CEP85L: variants seen among roughly 807,000 people sequenced by gnomAD.
The protein encoded by CEP85L is centrosomal protein 85L, also known as centrosomal protein of 85 kDa-like.
A neutral mutation model predicts 100.3 loss-of-function variants in CEP85L; 60 were observed. The ratio of observed to expected loss-of-function variants is 0.60; its 90% CI spans 0.49 to 0.74. The LOEUF (loss-of-function observed/expected upper bound fraction) is 0.74. Among genes scored for constraint, CEP85L ranks in the 30% least tolerant of loss-of-function variants. CEP85L has a pLI of 0.00. For synonymous variants in CEP85L, 319 were observed against 322.7 expected, an observed-to-expected ratio of 0.99 and a Z score of 0.12; for missense variants, 973 against 936.2, an observed-to-expected ratio of 1.04 and a Z score of -0.51.
chr6:118,627,501 T>C (rs1208606610), intron 2 of CEP85L, among the ~76,000 whole-genome samples: 1 of 152,174 alleles, frequency 6.6e-6, no homozygotes, highest in Non-Finnish European at 1.5e-5. Context: ...ACATGGCAAA[T>C]GCATAGAATA....
chr6:118,540,298 A>G (rs1209452227), intron 3 of CEP85L, among the ~76,000 whole-genome samples: 2 of 152,296 alleles, frequency 1.3e-5, no homozygotes, highest in East Asian at 3.9e-4. Context: ...GATACTCAGC[A>G]CAGCACCTGA....
At chr6:118,700,858 T>C (rs969750662) in intron 1 of CEP85L, among the ~76,000 whole-genome samples, 2 of 152,222 alleles carry the variant, frequency 1.3e-5, no homozygotes, top group Non-Finnish European at 2.9e-5. Flanking sequence ...ATGTTTATTA[T>C]GTAACATAGT....
In CEP85L at chr6:118,548,340, G is replaced by A. The variant is rs9489434; in HGVS notation, c.1020+17189C>T. 2,307 of 152,100 alleles carry A rather than the reference G, an allele frequency of 0.015. 64 individuals carry two copies. The highest frequency in any genetic ancestry group is 0.052 in the African/African-American group (2,172 of 41,500). The allele number at this position is 152,100 out of a possible 1,614,324, so 9.4% of individuals were successfully genotyped here. A position where few individuals can be genotyped will look rare whatever the true frequency, so the allele number is the denominator to read the frequency against. On this transcript the variant is annotated intron_variant, in intron 3 of 12. Coordinates refer to ENST00000368491, the MANE Select transcript of CEP85L (RefSeq NM_001042475.3). ...CAGAAAACTCCCCAGCTAAACACCC[G>A]TAAGACTTCATACAACACAATACTC... is the stretch of plus-strand genomic sequence containing the variant.
chr6:118,613,923 G>A (rs1387964500), intron 2 of CEP85L, among the ~76,000 whole-genome samples: 2 of 151,896 alleles, frequency 1.3e-5, no homozygotes, highest in Non-Finnish European at 2.9e-5. Flanking sequence ...TATCCAGAGA[G>A]TACCTGAGAA....
chr6:118,515,800 G>C (rs188098908), intron 4 of CEP85L, among the ~76,000 whole-genome samples: 237 of 152,228 alleles, frequency 1.6e-3, no homozygotes, highest in African/African-American at 5.4e-3. Context: ...TACATGTGCA[G>C]AACGTGCAGG....
chr6:118,600,328 T>TGTGGGGGGGGGGGGGGTG (rs2115171572), intron 2 of CEP85L, among the ~76,000 whole-genome samples: 1 of 115,776 alleles, frequency 8.6e-6, no homozygotes, highest in Admixed American at 8.5e-5. Context: ...TGTGTGTGTG[T>TGTGGGGGGGGGGGGGGTG]GTGTGTGTGT....
chr6:118,556,610 C>G (rs913138123), intron 3 of CEP85L, among the ~76,000 whole-genome samples: 2 of 152,070 alleles, frequency 1.3e-5, no homozygotes, highest in African/African-American at 4.8e-5. Flanking sequence ...CAGGAATGGG[C>G]TAACAGGTTG....
rs559941763 is a variant in CEP85L, at chr6:118,519,803, A to G, written c.1139+3999T>C. Among the ~76,000 whole-genome samples, 3 of 152,176 alleles carry G rather than the reference A, an allele frequency of 2.0e-5. No individual in the cohort carries two copies. The South Asian group carries it at 6.2e-4, about 32-fold the overall frequency. ...TAGTTGTACACAAGGTACCCCAAAA[A>G]CCAGTGAATAATTCCCAACTCTATG... On this transcript the variant is annotated intron_variant, in intron 4 of 12. Coordinates refer to ENST00000368491, the MANE Select transcript of CEP85L (RefSeq NM_001042475.3).
intron 3 of CEP85L, among the ~76,000 whole-genome samples, chr6:118,541,813 T>C: frequency 6.6e-6 from 1 of 151,866 alleles, no homozygotes; most frequent in East Asian, 1.9e-4. Flanking sequence ...GGTACAGTCA[T>C]GTCACTCAGG....
chr6:118,583,322 C>T (rs1428841186), intron 2 of CEP85L, among the ~76,000 whole-genome samples: 2 of 152,180 alleles, frequency 1.3e-5, no homozygotes, highest in Non-Finnish European at 2.9e-5. Context: ...TCTCTTGCTC[C>T]TCCTCTCTAA....
chr6:118,644,896 G>C (rs779427549), intron 1 of CEP85L, among the ~76,000 whole-genome samples: 13 of 152,136 alleles, frequency 8.5e-5, no homozygotes, highest in Admixed American at 2.6e-4. Context: ...GAATAGCCAA[G>C]ACTGATTGTA....
chr6:118,474,350 A>C (rs1335051603), intron 10 of CEP85L, among the ~76,000 whole-genome samples: 1 of 152,212 alleles, frequency 6.6e-6, no homozygotes, highest in East Asian at 1.9e-4. Context: ...TGACAGAGCC[A>C]ATAACACACG....
At chr6:118,560,843 A>G (rs1779184536) in intron 3 of CEP85L, 2 of 152,784 alleles carry the variant, frequency 1.3e-5, no homozygotes, top group East Asian at 1.9e-4. Context: ...TAAGTTGACT[A>G]AAGTTTAAAA....
intron 1 of CEP85L, among the ~76,000 whole-genome samples, chr6:118,644,167 T>A (rs573997250): frequency 3.3e-5 from 5 of 152,350 alleles, no homozygotes; most frequent in African/African-American, 1.2e-4. Context: ...ATGCATTTTC[T>A]TCTGACTCAT....
At chr6:118,661,865 A>T (rs1471993579) in intron 1 of CEP85L, among the ~76,000 whole-genome samples, 1 of 152,264 alleles carries the variant, frequency 6.6e-6, no homozygotes, top group Non-Finnish European at 1.5e-5. Flanking sequence ...AAGCCACCTC[A>T]TAAACCAATG....
chr6:118,549,089 C>T (rs1778381111), intron 3 of CEP85L, among the ~76,000 whole-genome samples: 1 of 151,804 alleles, frequency 6.6e-6, no homozygotes, highest in East Asian at 1.9e-4. Context: ...AATTTTAAAA[C>T]AATGTTCACA....
intron 6 of CEP85L, among the ~76,000 whole-genome samples, chr6:118,487,242 C>G (rs910342989): frequency 6.6e-6 from 1 of 152,166 alleles, no homozygotes; most frequent in Non-Finnish European, 1.5e-5. Context: ...CCTGAGCTGT[C>G]TGAGCAACTG....
At chr6:118,655,885 A>G (rs1775770910), upstream of CEP85L, among the ~76,000 whole-genome samples, 1 of 152,178 alleles carries the variant, frequency 6.6e-6, no homozygotes, top group East Asian at 1.9e-4. Context: ...ACAGATGGGG[A>G]AAAAAGACCA....
chr6:118,653,741 CTCTGTG>C (rs1775675665), upstream of CEP85L, among the ~76,000 whole-genome samples: 1 of 134,136 alleles, frequency 7.5e-6, no homozygotes, highest in African/African-American at 2.8e-5. Flanking sequence ...AAAATAGTGA[CTCTGTG>C]TATGTGTGTG....
Sources: allele counts gnomAD v4.1 joint callset (sites outside exome capture counted in the v4.1 genomes callset), GRCh38; gene constraint gnomAD v4.1.1; transcripts MANE v1.5; gene names NCBI Gene and HGNC (gene_info 2026-07-23, HGNC 2026-07-21).